HHAT: variants seen among roughly 807,000 people sequenced by gnomAD.
HHAT encodes protein-cysteine N-palmitoyltransferase HHAT.
In HHAT, 47 loss-of-function variants were observed where a neutral mutation model predicts 70.8. The observed-to-expected ratio is 0.66, with a 90% CI of 0.53 to 0.85. The LOEUF is 0.85. Among genes scored for constraint, HHAT ranks in the 40% least tolerant of loss-of-function variants. The pLI is 0.00. For synonymous variants in HHAT, 228 were observed against 247.6 expected (o/e 0.92, Z 0.74); for missense variants, 609 against 604.8 (o/e 1.01, Z -0.07).
At chr1:210,474,992 A>G (rs1002908345) in intron 8 of HHAT, among the ~76,000 whole-genome samples, 3 of 151,412 alleles carry the variant, frequency 2.0e-5, no homozygotes, top group African/African-American at 7.3e-5. Context: ...TTGGGACTAC[A>G]GGTGTGGGCC....
intron 2 of HHAT, among the ~76,000 whole-genome samples, chr1:210,358,552 GT>G (rs1471111988): frequency 6.6e-6 from 1 of 152,180 alleles, no homozygotes; most frequent in Non-Finnish European, 1.5e-5. Context: ...ATATTTGAGA[GT>G]TGCTTACCGC....
At chr1:210,566,245 A>G (rs1654717211) in intron 9 of HHAT, among the ~76,000 whole-genome samples, 2 of 152,306 alleles carry the variant, frequency 1.3e-5, no homozygotes, top group South Asian at 2.1e-4. Context: ...TTAAAAAGCT[A>G]GAAAATATTA....
intron 11 of HHAT, among the ~76,000 whole-genome samples, chr1:210,649,326 A>G (rs1674669651): frequency 6.6e-6 from 1 of 152,240 alleles, no homozygotes; most frequent in Non-Finnish European, 1.5e-5. Flanking sequence ...TAAGCATGGC[A>G]TAATTGCCAC....
At chr1:210,633,428 C>G (rs1482043547) in intron 11 of HHAT, among the ~76,000 whole-genome samples, 1 of 152,156 alleles carries the variant, frequency 6.6e-6, no homozygotes, top group Non-Finnish European at 1.5e-5. Context: ...AGGTGAGAAG[C>G]AAGGAAAGCC....
chr1:210,501,528 T>C (rs1239853614), intron 8 of HHAT, among the ~76,000 whole-genome samples: 1 of 152,236 alleles, frequency 6.6e-6, no homozygotes, highest in Non-Finnish European at 1.5e-5. Flanking sequence ...CTGCTGCTGC[T>C]GATCTTGGCT....
At chr1:210,545,539 T>G (rs1454749147) in intron 9 of HHAT, among the ~76,000 whole-genome samples, 2 of 150,166 alleles carry the variant, frequency 1.3e-5, no homozygotes, top group Non-Finnish European at 2.9e-5. Flanking sequence ...TGGGCTCAAG[T>G]GATTCTCCTG....
At chr1:210,383,626 A>G (rs1299341010) in intron 3 of HHAT, among the ~76,000 whole-genome samples, 1 of 152,154 alleles carries the variant, frequency 6.6e-6, no homozygotes. Flanking sequence ...CCCGAATATA[A>G]ACCATGGACT....
At chr1:210,593,126 G>A (rs908708273) in intron 10 of HHAT, among the ~76,000 whole-genome samples, 4 of 151,944 alleles carry the variant, frequency 2.6e-5, no homozygotes, top group East Asian at 1.9e-4. Flanking sequence ...GAGAACATGC[G>A]GTGTTTGGAA....
chr1:210,488,722 G>C (rs537128161), intron 8 of HHAT, among the ~76,000 whole-genome samples: 2 of 151,904 alleles, frequency 1.3e-5, no homozygotes, highest in African/African-American at 4.8e-5. Context: ...GTGAGACCTT[G>C]TCTCTACAGA....
Position 210,348,980 on chromosome 1 carries a change from T to TTG in HHAT, c.5_6insTG (p.Pro3GlyfsTer14), listed in dbSNP as rs1157176397. The TTG allele has an allele frequency of 2.5e-6, 4 of 1,614,062 alleles. No individual in the cohort carries two copies. The South Asian group carries it at 4.4e-5, about 18-fold the overall frequency. On this transcript the variant is annotated frameshift_variant, in exon 2 of 12. Coordinates refer to ENST00000261458, the MANE Select transcript of HHAT (RefSeq NM_018194.6). LOFTEE classifies it high-confidence loss of function. ...GAACCTTCGTGCCAAGGAGCCATGCTGCCCCGATGGGAACTGGCACTTTAC... is the reference window on the plus strand; with the variant it reads ...GAACCTTCGTGCCAAGGAGCCATGCTTGGCCCCGATGGGAACTGGCACTTTAC...
At chr1:210,645,262 G>A (rs1276492624) in intron 11 of HHAT, among the ~76,000 whole-genome samples, 1 of 152,046 alleles carries the variant, frequency 6.6e-6, no homozygotes, top group Admixed American at 6.6e-5. Flanking sequence ...TACTTTTTAT[G>A]AAATCCACTT....
chr1:210,640,099 G>A (rs1353929945), intron 11 of HHAT, among the ~76,000 whole-genome samples: 2 of 152,178 alleles, frequency 1.3e-5, no homozygotes, highest in Admixed American at 6.5e-5. Context: ...TTCAAGCCTG[G>A]AAGTGTTAAT....
intron 8 of HHAT, among the ~76,000 whole-genome samples, chr1:210,507,686 C>G (rs12122881): frequency 0.44 from 66,583 of 151,826 alleles, 14,694 homozygotes; most frequent in East Asian, 0.58. Flanking sequence ...GAGTTCATTG[C>G]ATTGCTAGTG....
intron 9 of HHAT, among the ~76,000 whole-genome samples, chr1:210,569,106 G>T (rs1044407565): frequency 1.3e-5 from 2 of 152,078 alleles, no homozygotes; most frequent in East Asian, 1.9e-4. Flanking sequence ...GGGCACAATG[G>T]CTCATGCCTG....
chr1:210,596,254 CTTAA>C (rs1662978134), intron 10 of HHAT, among the ~76,000 whole-genome samples: 1 of 152,210 alleles, frequency 6.6e-6, no homozygotes, highest in South Asian at 2.1e-4. Context: ...TGTTCAGATT[CTTAA>C]TTAATACTTG....
intron 3 of HHAT, among the ~76,000 whole-genome samples, chr1:210,370,597 C>T (rs1439410312): frequency 6.8e-6 from 1 of 146,476 alleles, no homozygotes; most frequent in East Asian, 2.0e-4. Context: ...TATCCATTCA[C>T]ATTGCAGATG....
chr1:210,637,853 C>G (rs989819299), intron 11 of HHAT, among the ~76,000 whole-genome samples: 1 of 64,760 alleles, frequency 1.5e-5, no homozygotes, highest in East Asian at 5.3e-4. Flanking sequence ...AGTGAGACTC[C>G]GTCTCAAAAA....
In HHAT at chr1:210,492,699, T is replaced by C. The variant is rs75509622; in HGVS notation, c.1008-20454T>C. ...TGTATTGTTTAACATGGCAGAACCA[T>C]GACCAAGACTGGGATGAAAGATACA... On this transcript the variant is annotated intron_variant, in intron 8 of 11. Coordinates refer to ENST00000261458, the MANE Select transcript of HHAT (RefSeq NM_018194.6). Among the ~76,000 whole-genome samples, 870 of 152,282 alleles carry C rather than the reference T, an allele frequency of 5.7e-3. 13 individuals are homozygous for C. Among genetic ancestry groups the C allele is most frequent in the South Asian group, 0.049 (238 of 4,822 alleles).
chr1:210,393,135 G>C (rs1468667679), intron 4 of HHAT, among the ~76,000 whole-genome samples: 1 of 152,056 alleles, frequency 6.6e-6, no homozygotes, highest in African/African-American at 2.4e-5. Context: ...CAAGCAGGAT[G>C]GCACTGCTGG....
Sources: allele counts gnomAD v4.1 joint callset (sites outside exome capture counted in the v4.1 genomes callset), GRCh38; gene constraint gnomAD v4.1.1; transcripts MANE v1.5; gene names NCBI Gene and HGNC (gene_info 2026-07-23, HGNC 2026-07-21).